The following BORCS8 variants were observed in gnomAD, a reference collection of about 807,000 sequenced individuals.
The protein encoded by BORCS8 is BLOC-1-related complex subunit 8.
BORCS8 carries 13 observed loss-of-function variants against 18.7 expected under a neutral mutation model. The ratio of observed to expected loss-of-function variants is 0.70; its 90% confidence interval spans 0.45 to 1.11. BORCS8 has a LOEUF of 1.11. Among genes scored for constraint, BORCS8 ranks in the 50% least tolerant of loss-of-function variants. The pLI, the probability that BORCS8 is intolerant of heterozygous loss-of-function variation, is 0.00. For missense variants in BORCS8, 165 were observed against 165.7 expected, an observed-to-expected ratio of 1.00 and a Z score of 0.02; for synonymous variants, 68 against 64.8, an observed-to-expected ratio of 1.05 and a Z score of -0.24.
chr19:19,185,732 C>T (rs2060401654), intron 3 of BORCS8, among the ~76,000 whole-genome samples: 1 of 152,212 alleles, frequency 6.6e-6, no homozygotes, highest in South Asian at 2.1e-4. Context: ...TTGGGCTTCC[C>T]CCTGGCTGCC....
intron 1 of BORCS8, among the ~76,000 whole-genome samples, chr19:19,187,343 C>T (rs574790935): frequency 2.0e-5 from 3 of 152,062 alleles, no homozygotes; most frequent in Admixed American, 6.6e-5. Flanking sequence ...GGCATGATGG[C>T]GGGCGCCTGT....
intron 1 of BORCS8, 150 bp downstream of exon 1, chr19:19,191,931 T>C (rs1402537081): frequency 4.4e-6 from 4 of 906,362 alleles, no homozygotes; most frequent in Admixed American, 4.8e-5. Context: ...GGAGCCTTTC[T>C]ACAGGTTTCA....
chr19:19,185,622 G>A (rs536303961), intron 3 of BORCS8, among the ~76,000 whole-genome samples: 28 of 152,296 alleles, frequency 1.8e-4, no homozygotes, highest in South Asian at 1.2e-3. Context: ...AGAGGCGGAC[G>A]TTGCAGTGAA....
rs1279797592 is a variant in BORCS8 at position 19,177,365 on chromosome 19, C to G, written c.*138G>C. 1.3e-5 allele frequency: 2 copies of G among 152,280 alleles called. No individual in the cohort carries two copies. Among genetic ancestry groups the G allele is most frequent in the African/African-American group, 2.4e-5 (1 of 41,414 alleles). 9.4% of individuals were successfully genotyped at this position (152,280 alleles called of 1,614,324 possible). A position where few individuals can be genotyped will look rare whatever the true frequency, so the allele number is the denominator to read the frequency against. On this transcript the variant is annotated 3_prime_UTR_variant, in exon 6 of 6. Coordinates refer to ENST00000462790, the MANE Select transcript of BORCS8 (RefSeq NM_001145784.2). ...AGAACCAAGGCTGGGTGCGGTGGCTCACACCTATAATCCCAGCACTTTGGG... is the reference window on the plus strand; with the variant it reads ...AGAACCAAGGCTGGGTGCGGTGGCTGACACCTATAATCCCAGCACTTTGGG...
At chr19:19,188,892 T>C (rs75399361) in intron 1 of BORCS8, among the ~76,000 whole-genome samples, 13,075 of 151,932 alleles carry the variant, frequency 0.086, 851 homozygotes, top group East Asian at 0.3. Flanking sequence ...TGGAGTGCAG[T>C]AGTGTAATCT....
chr19:19,191,987 T>C (rs2060488607), intron 1 of BORCS8, 94 bp downstream of exon 1: 6 of 1,458,774 alleles, frequency 4.1e-6, no homozygotes, highest in Admixed American at 2.0e-5. Flanking sequence ...GTTCAATCAC[T>C]GCTCCTCGCA....
At chr19:19,179,223 C>A in intron 5 of BORCS8, 1 of 152,680 alleles carries the variant, frequency 6.5e-6, no homozygotes, top group Non-Finnish European at 1.5e-5. Flanking sequence ...GTGGGCAGGG[C>A]TGCGTAGGGC....
intron 1 of BORCS8, among the ~76,000 whole-genome samples, chr19:19,187,849 C>CT (rs202023732): frequency 0.019 from 2,629 of 139,486 alleles, 236 homozygotes; most frequent in Admixed American, 0.16. Context: ...CTTGATTGAA[C>CT]TTTTTTTTTA....
At chr19:19,185,952 C>T in intron 3 of BORCS8, 82 bp downstream of exon 3, 1 of 1,389,984 alleles carries the variant, frequency 7.2e-7, no homozygotes, top group Admixed American at 2.0e-5. Flanking sequence ...GCTTACTGGG[C>T]AGTTGGCTGG....
At position 19,177,696 on chromosome 19, in the gene BORCS8, G is replaced by GGAAGGAAGGGAAAAGAAAAGAAA. The variant is rs1376064847; in HGVS notation, c.*43-237_*43-236insTTTCTTTTCTTTTCCCTTCCTTC. The GGAAGGAAGGGAAAAGAAAAGAAA allele has an allele frequency of 1.6e-3, 120 of 74,802 alleles. 7 individuals are homozygous for GGAAGGAAGGGAAAAGAAAAGAAA. The highest frequency in any genetic ancestry group is 4.3e-3 in the African/African-American group (84 of 19,666). 4.6% of individuals were successfully genotyped at this position (74,802 alleles called of 1,614,324 possible). A position where few individuals can be genotyped will look rare whatever the true frequency, so the allele number is the denominator to read the frequency against. ...AGGAAGGAAGGAAGGAAGGAAGGAA[G>GGAAGGAAGGGAAAAGAAAAGAAA]AGAAAAGAAAAGAAAAGAAAAGAAA... On this transcript the variant is annotated intron_variant, in intron 5 of 5. Transcript: ENST00000462790.
intron 3 of BORCS8, among the ~76,000 whole-genome samples, chr19:19,185,527 A>C (rs1599757258): frequency 6.6e-6 from 1 of 152,308 alleles, no homozygotes; most frequent in East Asian, 1.9e-4. Flanking sequence ...CTCTGCTAAA[A>C]ATACAAAAAT....
intron 5 of BORCS8, chr19:19,180,459 G>T (rs1599751161): frequency 1.7e-6 from 1 of 582,034 alleles, no homozygotes; most frequent in East Asian, 3.0e-5. Flanking sequence ...GAGAGAGGAA[G>T]GTGGTGGAGA....
rs80318280 is a variant in BORCS8, at chr19:19,189,644, C to T, written c.37+2437G>A. Among the ~76,000 whole-genome samples, 1,218 of 152,220 alleles carry T rather than the reference C, an allele frequency of 8.0e-3. 16 individuals carry two copies. The highest frequency in any genetic ancestry group is 0.028 in the African/African-American group (1,147 of 41,538). ...CTTGAGGATAAGAATTTGAGACCAA[C>T]GCCGGGTGCGGTGGCTCACGCCTGT... On this transcript the variant is annotated intron_variant, in intron 1 of 5. Coordinates refer to ENST00000462790, the MANE Select transcript of BORCS8 (RefSeq NM_001145784.2).
chr19:19,181,238 A>G (rs12972894), intron 4 of BORCS8, among the ~76,000 whole-genome samples: 74,203 of 148,762 alleles, frequency 0.5, 18,412 homozygotes, highest in East Asian at 0.58. Flanking sequence ...AGTGGGTCAC[A>G]CCTGTAATCC....
At chr19:19,186,121 T>C (rs910846012) in intron 2 of BORCS8, 23 bp from the exon 3 acceptor site, 1 of 1,551,262 alleles carries the variant, frequency 6.4e-7, no homozygotes. Context: ...CAGGAGATAT[T>C]TGGCAAGGGA....
chr19:19,180,466 G>A (rs965131623), intron 5 of BORCS8: 1 of 586,604 alleles, frequency 1.7e-6, no homozygotes. Context: ...GAAGGTGGTG[G>A]AGAGAGAGTG....
At position 19,177,272 on chromosome 19, in the gene BORCS8, C is replaced by T. The variant is rs2060298674; in HGVS notation, c.*231G>A. Reference sequence around the variant, plus strand: ...CAGAATGCAGGTTGGGAGGGTAGATCTGCGAATGTCCAACTCAGCCTGTAG... The same window carrying T: ...CAGAATGCAGGTTGGGAGGGTAGATTTGCGAATGTCCAACTCAGCCTGTAG... On this transcript the variant is annotated 3_prime_UTR_variant, in exon 6 of 6. Coordinates refer to ENST00000462790, the MANE Select transcript of BORCS8 (RefSeq NM_001145784.2). The T allele has an allele frequency of 6.6e-6, 1 of 152,128 alleles. No individual in the cohort carries two copies. Among genetic ancestry groups the T allele is most frequent in the Non-Finnish European group, 1.5e-5 (1 of 68,070 alleles). 9.4% of individuals were successfully genotyped at this position (152,128 alleles called of 1,614,324 possible). A position where few individuals can be genotyped will look rare whatever the true frequency, so the allele number is the denominator to read the frequency against.
chr19:19,182,310 T>C lies in BORCS8; in HGVS notation c.326+263A>G, dbSNP rs1006016394. ...CATGTTTACCTGGTTGTCGTATGTC[T>C]CCTTGTGAGCCTGTCTGTCTCGGTC... is the stretch of plus-strand genomic sequence containing the variant. On this transcript the variant is annotated intron_variant, in intron 4 of 5. Transcript: ENST00000462790. This position sits in a 1 kb window ranked among gnomAD's most constrained non-coding sequence, Gnocchi z 4.1. The C allele has an allele frequency of 6.1e-6, 5 of 820,514 alleles. No individual in the cohort carries two copies. Among genetic ancestry groups the C allele is most frequent in the Non-Finnish European group, 1.6e-6 (1 of 606,318 alleles). The allele number at this position is 820,514 out of a possible 1,614,324, so 50.8% of individuals were successfully genotyped here.
At chr19:19,189,125 G>A (rs1383265856) in intron 1 of BORCS8, among the ~76,000 whole-genome samples, 1 of 152,052 alleles carries the variant, frequency 6.6e-6, no homozygotes, top group African/African-American at 2.4e-5. Flanking sequence ...GTGAGCCACC[G>A]CCCGGCCCTG....
Sources: gnomAD v4.1 joint callset for allele counts (sites outside exome capture counted in the v4.1 genomes callset) on GRCh38, gnomAD v4.1.1 for gene constraint, Gnocchi (gnomAD v3.1) non-coding constraint, MANE v1.5 for transcripts, NCBI Gene and HGNC (gene_info 2026-07-23, HGNC 2026-07-21) for gene names.